The following NRXN3 variants were observed in gnomAD, a reference collection of about 807,000 sequenced individuals.
NRXN3 encodes neurexin 3.
NRXN3 carries 32 observed loss-of-function variants against 137.6 expected under a neutral mutation model. The observed-to-expected ratio is 0.23, with a 90% CI of 0.18 to 0.31. The LOEUF is 0.31. NRXN3 is among the 10% of genes least tolerant of loss of function. The pLI is 1.00. For synonymous variants in NRXN3, 798 were observed against 784.5 expected (o/e 1.02, Z -0.29); for missense variants, 1,574 against 2,062.5 (o/e 0.76, Z 4.59).
chr14:79,103,967 CAT>C (rs1435826086), intron 15 of NRXN3, among the ~76,000 whole-genome samples: 1 of 152,168 alleles, frequency 6.6e-6, no homozygotes, highest in African/African-American at 2.4e-5. Flanking sequence ...TATGTGTACA[CAT>C]GTGCACACAT....
chr14:78,746,600 A>T (rs748656501), intron 8 of NRXN3, among the ~76,000 whole-genome samples: 19 of 152,222 alleles, frequency 1.2e-4, no homozygotes, highest in Non-Finnish European at 2.4e-4. Context: ...ATTGTAACAG[A>T]TGACCTTATC....
chr14:79,221,031 G>T (rs565421556), intron 15 of NRXN3, among the ~76,000 whole-genome samples: 4 of 151,694 alleles, frequency 2.6e-5, no homozygotes, highest in Admixed American at 6.6e-5. Context: ...GTATTAGTTT[G>T]CTGAGAATGA....
At chr14:78,837,868 G>A (rs1460191753) in intron 10 of NRXN3, among the ~76,000 whole-genome samples, 2 of 150,866 alleles carry the variant, frequency 1.3e-5, no homozygotes, top group African/African-American at 4.9e-5. Context: ...ATAATTTTTA[G>A]CCTTATGTTG....
intron 16 of NRXN3, among the ~76,000 whole-genome samples, chr14:79,491,530 A>C (rs1437400648): frequency 6.6e-6 from 1 of 152,136 alleles, no homozygotes; most frequent in Non-Finnish European, 1.5e-5. Flanking sequence ...CTTTTATCTT[A>C]CTAGTAGACC....
chr14:78,739,264 A>G (rs1365019901), intron 8 of NRXN3, among the ~76,000 whole-genome samples: 2 of 152,262 alleles, frequency 1.3e-5, no homozygotes, highest in Non-Finnish European at 2.9e-5. Flanking sequence ...TAACAGCCCA[A>G]CAATGCCGCT....
chr14:78,756,799 T>C (rs1375051455), intron 8 of NRXN3, among the ~76,000 whole-genome samples: 1 of 152,260 alleles, frequency 6.6e-6, no homozygotes, highest in Non-Finnish European at 1.5e-5. Flanking sequence ...CCACCAACTC[T>C]GTTCCGTGTA....
At chr14:79,852,552 T>C (rs1271509318) in intron 20 of NRXN3, among the ~76,000 whole-genome samples, 1 of 152,166 alleles carries the variant, frequency 6.6e-6, no homozygotes, top group African/African-American at 2.4e-5. Flanking sequence ...CTTTTAAATG[T>C]CTACTTACGA....
chr14:79,055,130 G>A (rs1189204978), intron 15 of NRXN3, among the ~76,000 whole-genome samples: 3 of 152,162 alleles, frequency 2.0e-5, no homozygotes, highest in African/African-American at 4.8e-5. Context: ...CACCTTAGGC[G>A]TTAGCTGTCT....
At chr14:78,853,357 A>G (rs911088512) in intron 10 of NRXN3, among the ~76,000 whole-genome samples, 2 of 152,066 alleles carry the variant, frequency 1.3e-5, no homozygotes, top group Admixed American at 6.6e-5. Context: ...TGAGAATGAT[A>G]TCATACATTC....
intron 4 of NRXN3, among the ~76,000 whole-genome samples, chr14:78,631,601 T>C (rs2097523620): frequency 6.6e-6 from 1 of 152,250 alleles, no homozygotes; most frequent in Non-Finnish European, 1.5e-5. Context: ...AATTTGAGTG[T>C]TCATTTCAGA....
At chr14:78,409,753 A>G (rs911444662) in intron 4 of NRXN3, among the ~76,000 whole-genome samples, 32 of 152,276 alleles carry the variant, frequency 2.1e-4, no homozygotes, top group African/African-American at 6.3e-4. Context: ...AATTTCTAGT[A>G]TTTCCACCAG....
At chr14:79,697,241 T>C (rs868587858) in intron 18 of NRXN3, among the ~76,000 whole-genome samples, 1 of 152,038 alleles carries the variant, frequency 6.6e-6, no homozygotes, top group South Asian at 2.1e-4. Context: ...CTCATTATTT[T>C]ACTTCGTAGC....
chr14:78,398,534 T>A (rs140191534), intron 4 of NRXN3, among the ~76,000 whole-genome samples: 200 of 152,298 alleles, frequency 1.3e-3, no homozygotes, highest in African/African-American at 4.1e-3. Context: ...GGCTTGTTAC[T>A]GTTGGGCAGA....
chr14:79,181,077 T>C (rs866242258), intron 15 of NRXN3, among the ~76,000 whole-genome samples: 10 of 151,122 alleles, frequency 6.6e-5, no homozygotes, highest in Admixed American at 2.0e-4. Context: ...TATATATATA[T>C]ATATATGCAC....
chr14:79,090,062 A>G (rs1164044076), intron 15 of NRXN3, among the ~76,000 whole-genome samples: 1 of 152,190 alleles, frequency 6.6e-6, no homozygotes, highest in African/African-American at 2.4e-5. Flanking sequence ...TTCCTTTGCT[A>G]ACATGGATAG....
At chr14:79,686,590 C>A (rs1017393069) in intron 17 of NRXN3, among the ~76,000 whole-genome samples, 1 of 152,086 alleles carries the variant, frequency 6.6e-6, no homozygotes, top group Non-Finnish European at 1.5e-5. Flanking sequence ...ATAGATATTA[C>A]CTTTTTTAAA....
chr14:78,274,548 A>T (rs1424777645), intron 2 of NRXN3, among the ~76,000 whole-genome samples: 1 of 152,206 alleles, frequency 6.6e-6, no homozygotes, highest in Admixed American at 6.5e-5. Context: ...GGATGGGGAC[A>T]CAGCAAAACC....
chr14:78,687,291 C>G (rs1053891428), intron 6 of NRXN3, among the ~76,000 whole-genome samples: 3 of 152,146 alleles, frequency 2.0e-5, no homozygotes, highest in Non-Finnish European at 2.9e-5. Flanking sequence ...AGGAAAACCC[C>G]CCTGGCTGTT....
intron 15 of NRXN3, among the ~76,000 whole-genome samples, chr14:79,439,675 A>G (rs1265469407): frequency 6.6e-6 from 1 of 152,204 alleles, no homozygotes; most frequent in Admixed American, 6.5e-5. Context: ...ACTCAACTCT[A>G]TATCTCAAAG....
Sources: gnomAD v4.1 joint callset for allele counts (sites outside exome capture counted in the v4.1 genomes callset) on GRCh38, gnomAD v4.1.1 for gene constraint, MANE v1.5 for transcripts, NCBI Gene and HGNC (gene_info 2026-07-23, HGNC 2026-07-21) for gene names.